The following KIAA0319L variants were observed in gnomAD, a reference collection of about 807,000 sequenced individuals.
The protein encoded by KIAA0319L is dyslexia-associated protein KIAA0319-like protein.
Under a neutral mutation model 120.1 loss-of-function variants are expected in KIAA0319L, and 55 were observed. The observed-to-expected ratio is 0.46, with a 90% CI of 0.37 to 0.57. The LOEUF (loss-of-function observed/expected upper bound fraction) is 0.57. Among genes scored for constraint, KIAA0319L ranks in the 20% least tolerant of loss-of-function variants. The pLI is 0.00. For missense variants in KIAA0319L, 1,049 were observed against 1,255.3 expected (o/e 0.84, Z 2.48); for synonymous variants, 398 against 471.9 (o/e 0.84, Z 2.03).
chr1:35,544,199 C>G (rs937373457), intron 2 of KIAA0319L, among the ~76,000 whole-genome samples: 14 of 151,976 alleles, frequency 9.2e-5, no homozygotes, highest in African/African-American at 3.1e-4. Flanking sequence ...GAAACCCCAT[C>G]TCTACTAAAA....
intron 3 of KIAA0319L, among the ~76,000 whole-genome samples, chr1:35,495,239 G>A (rs1199622979): frequency 6.6e-6 from 1 of 152,096 alleles, no homozygotes. Flanking sequence ...CAGGCGTGGT[G>A]GTGCACACCT....
chr1:35,492,396 C>A (rs992046072), intron 3 of KIAA0319L, among the ~76,000 whole-genome samples: 1 of 152,028 alleles, frequency 6.6e-6, no homozygotes, highest in Non-Finnish European at 1.5e-5. Flanking sequence ...CGCCTGTAGT[C>A]CCAGCTACTC....
At chr1:35,441,813 C>T (rs1247114159) in intron 19 of KIAA0319L, among the ~76,000 whole-genome samples, 1 of 152,064 alleles carries the variant, frequency 6.6e-6, no homozygotes, top group African/African-American at 2.4e-5. Flanking sequence ...CCTGGCTAGC[C>T]TAAAGTGCAT....
intron 3 of KIAA0319L, among the ~76,000 whole-genome samples, chr1:35,494,051 T>C (rs1351514138): frequency 6.6e-6 from 1 of 152,122 alleles, no homozygotes; most frequent in East Asian, 1.9e-4. Flanking sequence ...GAAGACTTTT[T>C]AAAAAGAAAC....
intron 2 of KIAA0319L, among the ~76,000 whole-genome samples, chr1:35,526,390 T>TATATATATATATATATATATACATAC (rs1646139708): frequency 2.5e-5 from 2 of 79,122 alleles, no homozygotes; most frequent in Non-Finnish European, 3.9e-5. Flanking sequence ...TATACATACA[T>TATATATATATATATATATATACATAC]ATATATATAT....
At chr1:35,543,913 A>C (rs1646886014) in intron 2 of KIAA0319L, among the ~76,000 whole-genome samples, 1 of 152,230 alleles carries the variant, frequency 6.6e-6, no homozygotes, top group Non-Finnish European at 1.5e-5. Context: ...CTTTATAGTA[A>C]GTGATAAGGA....
chr1:35,460,362 G>GAGGA lies in KIAA0319L; in HGVS notation c.1369_1370insTCCT (p.Ser457PhefsTer3). The GAGGA allele has an allele frequency of 6.2e-7, 1 of 1,612,532 alleles. No individual in the cohort carries two copies. The highest frequency in any genetic ancestry group is 8.5e-7 in the Non-Finnish European group (1 of 1,178,616). Reference sequence around the variant, plus strand: ...TAGTTTTAATATGGCTGTATCTTCAGAAATCTTCTCTTCTCTTAGAGGCCC... The same window carrying GAGGA: ...TAGTTTTAATATGGCTGTATCTTCAGAGGAAAATCTTCTCTTCTCTTAGAGGCCC... On this transcript the variant is annotated frameshift_variant, in exon 9 of 21. Coordinates refer to ENST00000325722, the MANE Select transcript of KIAA0319L (RefSeq NM_024874.5). LOFTEE classifies it high-confidence loss of function.
At chr1:35,445,587 A>G (rs572505048) in intron 16 of KIAA0319L, among the ~76,000 whole-genome samples, 3 of 152,350 alleles carry the variant, frequency 2.0e-5, no homozygotes, top group African/African-American at 7.2e-5. Flanking sequence ...GTGAGGGACT[A>G]TACAAACATT....
intron 3 of KIAA0319L, among the ~76,000 whole-genome samples, chr1:35,482,951 G>A (rs1170635883): frequency 1.3e-5 from 2 of 152,190 alleles, no homozygotes; most frequent in Non-Finnish European, 2.9e-5. Flanking sequence ...TTCGAGGTAT[G>A]TAGTGGTATC....
At chr1:35,525,849 T>C (rs1261502599) in intron 2 of KIAA0319L, among the ~76,000 whole-genome samples, 1 of 152,166 alleles carries the variant, frequency 6.6e-6, no homozygotes, top group Non-Finnish European at 1.5e-5. Context: ...CATAATCCCA[T>C]TTGTCTATTT....
intron 20 of KIAA0319L, 84 bp downstream of exon 20, chr1:35,440,963 G>T: frequency 9.7e-7 from 1 of 1,029,864 alleles, no homozygotes; most frequent in South Asian, 1.3e-5. Flanking sequence ...GGCTGTTAGT[G>T]ACACACTCAG....
intron 3 of KIAA0319L, among the ~76,000 whole-genome samples, chr1:35,486,737 C>CAA (rs4045085): frequency 1.3e-4 from 11 of 86,966 alleles, no homozygotes; most frequent in Non-Finnish European, 1.6e-4. Flanking sequence ...CCCATTTCTA[C>CAA]AAAAAAAAAA....
At chr1:35,538,590 C>CAAA (rs757522421) in intron 2 of KIAA0319L, among the ~76,000 whole-genome samples, 4 of 31,942 alleles carry the variant, frequency 1.3e-4, no homozygotes, top group Non-Finnish European at 2.5e-4. Flanking sequence ...AACTCTGTCT[C>CAAA]AAAAAAAAAA....
intron 2 of KIAA0319L, 26 bp from the exon 3 acceptor site, chr1:35,507,161 T>G: frequency 6.6e-7 from 1 of 1,512,028 alleles, no homozygotes; most frequent in Non-Finnish European, 8.8e-7. Flanking sequence ...GAAAACATTT[T>G]CAGATGAAAT....
intron 15 of KIAA0319L, 63 bp downstream of exon 15, chr1:35,449,804 G>A: frequency 6.3e-7 from 1 of 1,585,724 alleles, no homozygotes; most frequent in South Asian, 1.1e-5. Context: ...GGGGATCTCA[G>A]GATAGAGGCC....
At chr1:35,553,710 TGAAAGAAA>T (rs35935761) in intron 2 of KIAA0319L, among the ~76,000 whole-genome samples, 31,055 of 148,948 alleles carry the variant, frequency 0.21, 6,385 homozygotes, top group East Asian at 0.53. Context: ...CAAAAGAACT[TGAAAGAAA>T]GAAAGAAAGA....
chr1:35,442,539 C>T (rs1381420097), intron 18 of KIAA0319L, among the ~76,000 whole-genome samples: 1 of 152,174 alleles, frequency 6.6e-6, no homozygotes, highest in Non-Finnish European at 1.5e-5. Flanking sequence ...CTGCTCCTGG[C>T]AAGCCCTGAG....
chr1:35,480,474 G>A lies in KIAA0319L; in HGVS notation c.667-1262C>T, dbSNP rs184001984. On this transcript the variant is annotated intron_variant, in intron 3 of 20. Transcript: ENST00000325722. ...AATGAGTAGCGAAACAAGGGTGGTGGTATGGATTTTTTAAAAATCAAATTC... is the reference window on the plus strand; with the variant it reads ...AATGAGTAGCGAAACAAGGGTGGTGATATGGATTTTTTAAAAATCAAATTC... Among the ~76,000 whole-genome samples, 4 of 152,100 alleles carry A rather than the reference G, an allele frequency of 2.6e-5. No individual in the cohort carries two copies. In the East Asian group the frequency reaches 7.7e-4, roughly 29 times the overall value.
intron 2 of KIAA0319L, among the ~76,000 whole-genome samples, chr1:35,517,913 T>C (rs1396022135): frequency 6.6e-6 from 1 of 152,022 alleles, no homozygotes; most frequent in Non-Finnish European, 1.5e-5. Flanking sequence ...CAAAGGACAT[T>C]AACACACACT....
Sources: gnomAD v4.1 joint callset for allele counts (sites outside exome capture counted in the v4.1 genomes callset) on GRCh38, gnomAD v4.1.1 for gene constraint, MANE v1.5 for transcripts, NCBI Gene and HGNC (gene_info 2026-07-23, HGNC 2026-07-21) for gene names.